TNFRSF8: variants seen among roughly 807,000 people sequenced by gnomAD.
TNFRSF8 encodes the protein tumor necrosis factor receptor superfamily member 8.
A neutral mutation model predicts 70.8 loss-of-function variants in TNFRSF8; 26 were observed. The observed-to-expected ratio is 0.37, with a 90% CI of 0.27 to 0.51. The LOEUF (loss-of-function observed/expected upper bound fraction) is 0.51, where lower values mean the gene tolerates loss of function less well. Among genes scored for constraint, TNFRSF8 ranks in the 20% least tolerant of loss-of-function variants. TNFRSF8 has a pLI of 0.94. For missense variants in TNFRSF8, 720 were observed against 807.9 expected, an observed-to-expected ratio of 0.89 and a Z score of 1.32; for synonymous variants, 356 against 339.2, an observed-to-expected ratio of 1.05 and a Z score of -0.54.
intron 3 of TNFRSF8, among the ~76,000 whole-genome samples, chr1:12,098,063 A>G (rs1641360632): frequency 6.6e-6 from 1 of 152,036 alleles, no homozygotes; most frequent in Non-Finnish European, 1.5e-5. Context: ...AAGCTATGTT[A>G]TTAGGTACAT....
chr1:12,068,346 C>A (rs1211970849), intron 1 of TNFRSF8, among the ~76,000 whole-genome samples: 2 of 152,184 alleles, frequency 1.3e-5, no homozygotes, highest in Non-Finnish European at 2.9e-5. Flanking sequence ...CCTCATTTCA[C>A]AGACAAGGAT....
intron 2 of TNFRSF8, among the ~76,000 whole-genome samples, chr1:12,086,634 AG>A (rs1641157795): frequency 6.6e-6 from 1 of 151,456 alleles, no homozygotes. Flanking sequence ...AAAATACTGT[AG>A]TCTGGGTGAC....
intron 2 of TNFRSF8, among the ~76,000 whole-genome samples, chr1:12,093,900 T>A (rs896319022): frequency 6.6e-6 from 1 of 151,772 alleles, no homozygotes; most frequent in Non-Finnish European, 1.5e-5. Flanking sequence ...TGAAACCCCG[T>A]CTCTACTAAA....
chr1:12,138,519 C>T lies in TNFRSF8; in HGVS notation c.1543+83C>T. The T allele has an allele frequency of 7.6e-7, 1 of 1,308,290 alleles. No individual in the cohort carries two copies. The highest frequency in any genetic ancestry group is 1.0e-6 in the Non-Finnish European group (1 of 964,564). 81.0% of individuals were successfully genotyped at this position (1,308,290 alleles called of 1,614,324 possible). On this transcript the variant is annotated intron_variant, in intron 14 of 14. Transcript: ENST00000263932. This position sits in a 1 kb window ranked among gnomAD's most constrained non-coding sequence, Gnocchi z 5.7. The stretch of plus-strand genomic sequence containing the variant: ...ACGGGGCCCTGGGCCCTGGAAGGGA[C>T]CTGGAGACCCTGGAGTTGAAAGGCC...
intron 2 of TNFRSF8, among the ~76,000 whole-genome samples, chr1:12,095,534 C>A (rs1641318334): frequency 6.6e-6 from 1 of 152,232 alleles, no homozygotes; most frequent in Non-Finnish European, 1.5e-5. Context: ...GTGATTCACC[C>A]ACCTCGGCCT....
chr1:12,114,773 A>G (rs1641698653), intron 7 of TNFRSF8, among the ~76,000 whole-genome samples: 2 of 126,346 alleles, frequency 1.6e-5, no homozygotes, highest in South Asian at 2.4e-4. Context: ...CAGTGGCACT[A>G]TCTTGGCTCA....
chr1:12,080,580 G>A (rs778805422), intron 1 of TNFRSF8: 52 of 349,518 alleles, frequency 1.5e-4, no homozygotes, highest in Admixed American at 2.2e-4. Flanking sequence ...TTTTTGAGAT[G>A]GAGTTTCACC....
In TNFRSF8 at chr1:12,123,279, T is replaced by G; in HGVS notation, c.947-5T>G. The G allele has an allele frequency of 6.2e-7, 1 of 1,610,498 alleles. No homozygotes were observed. On this transcript the variant is annotated splice_region_variant and splice_polypyrimidine_tract_variant and intron_variant, in intron 8 of 14. Transcript: ENST00000263932. ...TGGTTCTCAGATGTTACGTCCCCTC[T>G]GCAGATATGGCTGAGAAGGACACCA...
rs1313936714 is a variant in TNFRSF8 at position 12,123,276 on chromosome 1, C to T, written c.947-8C>T. 2 of 1,609,576 alleles carry T rather than the reference C, an allele frequency of 1.2e-6. No individual in the cohort carries two copies. The highest frequency in any genetic ancestry group is 1.7e-6 in the Non-Finnish European group (2 of 1,178,090). On this transcript the variant is annotated splice_region_variant and splice_polypyrimidine_tract_variant and intron_variant, in intron 8 of 14. Transcript: ENST00000263932. ...CGCTGGTTCTCAGATGTTACGTCCC[C>T]TCTGCAGATATGGCTGAGAAGGACA...
intron 12 of TNFRSF8, among the ~76,000 whole-genome samples, chr1:12,130,407 C>G (rs1374721008): frequency 6.6e-6 from 1 of 152,140 alleles, no homozygotes; most frequent in Non-Finnish European, 1.5e-5. Context: ...TGAGCACGTC[C>G]CTTATTCTGA....
Position 12,142,405 on chromosome 1 carries a change from G to A in TNFRSF8, c.1662G>A (p.Ala554=), listed in dbSNP as rs376213546. ...AEPELEEELE[A]DHTPHYPEQE... The stretch of plus-strand genomic sequence containing the variant: ...CCGAGTTGGAGGAGGAGCTGGAGGC[G>A]GACCATACCCCCCACTACCCCGAGC... The change falls in exon 15 of 15, where the codon GCG becomes GCA. Residue 554 remains alanine, a synonymous_variant. Transcript: ENST00000263932. The surrounding 1 kb of genome is among the most constrained non-coding windows in gnomAD (Gnocchi z 5.0). 6.2e-6 allele frequency: 10 copies of A among 1,612,598 alleles called. No individual in the cohort carries two copies. Among genetic ancestry groups the A allele is most frequent in the East Asian group, 4.5e-5 (2 of 44,868 alleles).
chr1:12,080,350 C>T (rs2100961391), intron 1 of TNFRSF8: 1 of 524,262 alleles, frequency 1.9e-6, no homozygotes, highest in Non-Finnish European at 3.8e-6. Context: ...GGGTGCTGAC[C>T]TTGGCCACAT....
At chr1:12,129,181 T>A (rs895854135) in intron 12 of TNFRSF8, among the ~76,000 whole-genome samples, 1 of 152,178 alleles carries the variant, frequency 6.6e-6, no homozygotes, top group African/African-American at 2.4e-5. Flanking sequence ...AGTCATTTTC[T>A]ATTATTCCAG....
rs1363813307 is a variant in TNFRSF8, at chr1:12,073,220, G to A, written c.63+9559G>A. 3.9e-5 allele frequency among the ~76,000 whole-genome samples: 6 copies of A among 152,124 alleles called. No individual in the cohort carries two copies. In the South Asian group the frequency reaches 1.0e-3, roughly 26 times the overall value. On this transcript the variant is annotated intron_variant, in intron 1 of 14. Transcript: ENST00000263932. Reference sequence around the variant, plus strand: ...GCTGTAGTGAGCCGTGTTCATGATCGCAGGACTGCACTCCAGCCAGGGTGA... The same window carrying A: ...GCTGTAGTGAGCCGTGTTCATGATCACAGGACTGCACTCCAGCCAGGGTGA...
chr1:12,133,560 T>C (rs1009359355), intron 12 of TNFRSF8, among the ~76,000 whole-genome samples: 1 of 149,834 alleles, frequency 6.7e-6, no homozygotes, highest in Non-Finnish European at 1.5e-5. Flanking sequence ...GCCAACATGG[T>C]GAAACCCCGT....
Position 12,142,501 on chromosome 1 carries a change from C to A in TNFRSF8, c.1758C>A (p.Asp586Glu), listed in dbSNP as rs1291568828. 2 of 1,585,500 alleles carry A rather than the reference C, an allele frequency of 1.3e-6. No individual in the cohort carries two copies. The highest frequency in any genetic ancestry group is 1.7e-6 in the Non-Finnish European group (2 of 1,165,942). The change falls in exon 15 of 15, where the codon GAC (aspartate) becomes GAA (glutamate). Residue 586 changes from aspartate (D) to glutamate (E), a missense_variant. Transcript: ENST00000263932. The surrounding 1 kb of genome is among the most constrained non-coding windows in gnomAD (Gnocchi z 5.0). ...MLSVEEEGKE[D>E]PLPTAASGK is the part of the protein sequence containing the mutation. ...CAGTGGAAGAGGAAGGGAAAGAAGA[C>A]CCCTTGCCCACAGCTGCCTCTGGAA... is the stretch of plus-strand genomic sequence containing the variant.
At chr1:12,092,405 T>C (rs2100979275) in intron 2 of TNFRSF8, among the ~76,000 whole-genome samples, 1 of 152,196 alleles carries the variant, frequency 6.6e-6, no homozygotes, top group East Asian at 1.9e-4. Context: ...ACTCCTGGCC[T>C]CAAGTGATCC....
At chr1:12,115,145 C>T (rs1337850455) in intron 7 of TNFRSF8, among the ~76,000 whole-genome samples, 1 of 152,186 alleles carries the variant, frequency 6.6e-6, no homozygotes, top group Non-Finnish European at 1.5e-5. Flanking sequence ...TGCCCGCTCA[C>T]CCCGTCCCCT....
intron 8 of TNFRSF8, among the ~76,000 whole-genome samples, chr1:12,120,763 C>G (rs1641814271): frequency 6.6e-6 from 1 of 152,172 alleles, no homozygotes; most frequent in South Asian, 2.1e-4. Context: ...AGGGGCTAGA[C>G]AATGCCTTCT....
Sources: gnomAD v4.1 joint callset for allele counts (sites outside exome capture counted in the v4.1 genomes callset) on GRCh38, gnomAD v4.1.1 for gene constraint, Gnocchi (gnomAD v3.1) non-coding constraint, MANE v1.5 for transcripts, NCBI Gene and HGNC (gene_info 2026-07-23, HGNC 2026-07-21) for gene names.